GBF1: variants seen among roughly 807,000 people sequenced by gnomAD.
The protein encoded by GBF1 is golgi brefeldin A resistant guanine nucleotide exchange factor 1.
GBF1 carries 114 observed loss-of-function variants against 210.5 expected under a neutral mutation model. The observed-to-expected ratio is 0.54, with a 90% confidence interval of 0.47 to 0.63. GBF1 has a LOEUF of 0.63. GBF1 is among the 30% of genes least tolerant of loss of function. The pLI, the probability that GBF1 is intolerant of heterozygous loss-of-function variation, is 0.00. For synonymous variants in GBF1, 850 were observed against 889.2 expected, an observed-to-expected ratio of 0.96 and a Z score of 0.78; for missense variants, 1,851 against 2,357.7, an observed-to-expected ratio of 0.79 and a Z score of 4.45.
upstream of GBF1, among the ~76,000 whole-genome samples, chr10:102,243,724 T>G (rs1055960388): frequency 2.6e-5 from 4 of 152,184 alleles, no homozygotes; most frequent in Non-Finnish European, 5.9e-5. Flanking sequence ...TGACTCTCTT[T>G]GGGTGATAGA....
intron 3 of GBF1, among the ~76,000 whole-genome samples, chr10:102,313,185 G>A (rs1224509940): frequency 2.6e-5 from 4 of 152,188 alleles, no homozygotes; most frequent in South Asian, 2.1e-4. Flanking sequence ...TTGAAAGCAC[G>A]TTCTGTGTAT....
chr10:102,246,872 G>A (rs1261155812), intron 1 of GBF1, among the ~76,000 whole-genome samples: 4 of 152,238 alleles, frequency 2.6e-5, no homozygotes, highest in Admixed American at 2.6e-4. Context: ...GCCCTGTGGA[G>A]GATACAAATG....
In GBF1 at chr10:102,359,419, G is replaced by A. The variant is rs553682733; in HGVS notation, c.1164G>A (p.Gln388=). The change falls in exon 11 of 40, where the codon CAG becomes CAA. Residue 388 remains glutamine (Q), a synonymous_variant. Coordinates refer to ENST00000369983, the MANE Select transcript of GBF1 (RefSeq NM_001377137.1). ...ATCCCCGGGGCGTGCGCTTTACACA[G>A]TCCTCCCAGAAAGAAGGTGGGTATT... ...YVNPRGVRFT[Q]SSQKEGTALV... 2.0e-5 allele frequency: 33 copies of A among 1,613,500 alleles called. 1 individual carries two copies. In the South Asian group the frequency reaches 3.6e-4, roughly 18 times the overall value.
At chr10:102,369,493 G>A in intron 24 of GBF1, 106 bp downstream of exon 24, 1 of 929,904 alleles carries the variant, frequency 1.1e-6, no homozygotes, top group Non-Finnish European at 1.7e-6. Flanking sequence ...TGGGCCTGAT[G>A]CCTGCCACAG....
At chr10:102,356,965 G>A (rs1183377753) in intron 8 of GBF1, among the ~76,000 whole-genome samples, 3 of 152,134 alleles carry the variant, frequency 2.0e-5, no homozygotes, top group Non-Finnish European at 4.4e-5. Flanking sequence ...CAAGGAATCA[G>A]TGGCCTTACC....
At chr10:102,231,230 G>A in the GBF1 span, 1 of 952,874 alleles carries the variant, frequency 1.0e-6, no homozygotes, top group Non-Finnish European at 1.5e-6. Context: ...CTAGAGACGG[G>A]GTGGGAGGGA....
At chr10:102,308,731 A>G (rs1422751342) in intron 3 of GBF1, among the ~76,000 whole-genome samples, 27 of 84,266 alleles carry the variant, frequency 3.2e-4, no homozygotes, top group African/African-American at 8.8e-4. Context: ...GTTGTGGGGT[A>G]GGGGGAGGGG....
intron 3 of GBF1, among the ~76,000 whole-genome samples, chr10:102,284,887 T>C (rs1205102486): frequency 6.6e-6 from 1 of 152,070 alleles, no homozygotes; most frequent in Non-Finnish European, 1.5e-5. Flanking sequence ...CAAGAATGCA[T>C]GAGGGTTCCA....
At chr10:102,288,742 A>AC (rs1225305111) in intron 3 of GBF1, among the ~76,000 whole-genome samples, 14 of 151,268 alleles carry the variant, frequency 9.3e-5, no homozygotes, top group South Asian at 2.1e-4. Flanking sequence ...AAAACAAAAA[A>AC]AAAAAACGAA....
In GBF1 at chr10:102,261,521, T is replaced by TA. The variant is rs547159603; in HGVS notation, c.163+1406dup. Among the ~76,000 whole-genome samples the TA allele has an allele frequency of 1.8e-3, 273 of 151,982 alleles. 1 individual carries two copies. Among genetic ancestry groups the TA allele is most frequent in the African/African-American group, 5.9e-3 (245 of 41,454 alleles). On this transcript the variant is annotated intron_variant, in intron 3 of 39. Transcript: ENST00000369983. ...GAAAATTTCTTCTTTTCATTAGAAA[T>TA]ATGGGAGAAGATCTGGAGAAAAAAT...
chr10:102,382,014 C>T (rs778161410), intron 39 of GBF1, 42 bp from the exon 40 acceptor site: 1 of 1,499,546 alleles, frequency 6.7e-7, no homozygotes, highest in Non-Finnish European at 8.9e-7. Flanking sequence ...TGTCTTGTAC[C>T]AACAAGGGAA....
chr10:102,353,535 G>T, intron 7 of GBF1, 65 bp from the exon 8 acceptor site: 2 of 1,116,416 alleles, frequency 1.8e-6, no homozygotes, highest in Non-Finnish European at 2.8e-6. Flanking sequence ...TTGGTTTGTG[G>T]CTGGCATGGA....
chr10:102,333,911 G>A (rs533584221), intron 3 of GBF1, among the ~76,000 whole-genome samples: 5 of 152,280 alleles, frequency 3.3e-5, no homozygotes, highest in African/African-American at 4.8e-5. Context: ...CTCCTAAAAT[G>A]GAATGTACAG....
At chr10:102,293,285 A>C (rs1383322850) in intron 3 of GBF1, among the ~76,000 whole-genome samples, 1 of 152,022 alleles carries the variant, frequency 6.6e-6, no homozygotes, top group Non-Finnish European at 1.5e-5. Context: ...ATAACGTATC[A>C]CTCGTGTTTG....
At chr10:102,313,114 G>A (rs1002515809) in intron 3 of GBF1, among the ~76,000 whole-genome samples, 1 of 152,136 alleles carries the variant, frequency 6.6e-6, no homozygotes, top group Non-Finnish European at 1.5e-5. Flanking sequence ...TCCAGATATA[G>A]CATATTATAG....
intron 3 of GBF1, among the ~76,000 whole-genome samples, chr10:102,283,902 A>G (rs956435146): frequency 6.6e-6 from 1 of 152,200 alleles, no homozygotes; most frequent in Non-Finnish European, 1.5e-5. Context: ...TGAAGTCTCA[A>G]TAGATGTTAA....
At chr10:102,359,904 T>C (rs1161741418) in intron 11 of GBF1, among the ~76,000 whole-genome samples, 1 of 151,406 alleles carries the variant, frequency 6.6e-6, no homozygotes, top group East Asian at 1.9e-4. Context: ...TTTGAGACTA[T>C]AGGCATGCAC....
intron 3 of GBF1, among the ~76,000 whole-genome samples, chr10:102,303,027 G>A (rs1435622750): frequency 8.0e-6 from 1 of 125,772 alleles, no homozygotes; most frequent in South Asian, 2.5e-4. Flanking sequence ...TCACTCTGTT[G>A]CCCAGGCTGG....
Position 102,344,465 on chromosome 10 carries a change from G to GGTTTGTTT in GBF1, c.295+304_295+311dup, listed in dbSNP as rs10635573. Reference sequence around the variant, plus strand: ...TACCTTACTCTTGGAAGTTTGGTTAGGTTTGTTTGTTTGTTTGTTTGTTTG... The same window carrying GGTTTGTTT: ...TACCTTACTCTTGGAAGTTTGGTTAGGTTTGTTTGTTTGTTTGTTTGTTTGTTTGTTTG... On this transcript the variant is annotated intron_variant, in intron 4 of 39. Transcript: ENST00000369983. 1.0e-3 allele frequency among the ~76,000 whole-genome samples: 157 copies of GGTTTGTTT among 150,598 alleles called. 1 individual carries two copies. The highest frequency in any genetic ancestry group is 0.01 in the South Asian group (49 of 4,734).
Sources: gnomAD v4.1 joint callset for allele counts (sites outside exome capture counted in the v4.1 genomes callset) on GRCh38, gnomAD v4.1.1 for gene constraint, MANE v1.5 for transcripts, NCBI Gene and HGNC (gene_info 2026-07-23, HGNC 2026-07-21) for gene names.